The following SAMD12 variants were observed in gnomAD, a reference collection of about 807,000 sequenced individuals.
SAMD12 encodes the protein sterile alpha motif domain-containing protein 12.
In SAMD12, 9 loss-of-function variants were observed where a neutral mutation model predicts 15.0. The observed-to-expected ratio is 0.60, with a 90% CI of 0.36 to 1.05. The LOEUF is 1.05. Among genes scored for constraint, SAMD12 ranks in the 50% least tolerant of loss-of-function variants. SAMD12 has a pLI of 0.01. For synonymous variants in SAMD12, 86 were observed against 90.1 expected, an observed-to-expected ratio of 0.96 and a Z score of 0.25; for missense variants, 230 against 234.2, an observed-to-expected ratio of 0.98 and a Z score of 0.12.
intron 1 of SAMD12, among the ~76,000 whole-genome samples, chr8:118,609,315 T>C (rs1319991289): frequency 6.6e-6 from 1 of 152,226 alleles, no homozygotes; most frequent in Non-Finnish European, 1.5e-5. Context: ...TGTACCACAC[T>C]GTTTACTGTT....
chr8:118,210,399 TAG>T (rs1438588214), intron 4 of SAMD12, among the ~76,000 whole-genome samples: 1 of 152,142 alleles, frequency 6.6e-6, no homozygotes. Flanking sequence ...TAAGGAAGTG[TAG>T]TCTGCATCAC....
intron 4 of SAMD12, among the ~76,000 whole-genome samples, chr8:118,341,880 C>T (rs907793873): frequency 1.3e-5 from 2 of 152,216 alleles, no homozygotes; most frequent in African/African-American, 4.8e-5. Context: ...TAAATATTGG[C>T]AACTAATTCA....
intron 1 of SAMD12, among the ~76,000 whole-genome samples, chr8:118,587,291 T>C (rs181700588): frequency 7.2e-5 from 11 of 152,370 alleles, no homozygotes; most frequent in African/African-American, 2.4e-4. Context: ...TAATTCATTA[T>C]ATTAATTATT....
chr8:118,186,676 A>G (rs1746999817), downstream of SAMD12, among the ~76,000 whole-genome samples: 1 of 152,014 alleles, frequency 6.6e-6, no homozygotes, highest in African/African-American at 2.4e-5. Context: ...TTCTTTTCTC[A>G]CTAAAGAAAA....
chr8:118,217,202 C>G (rs533892564), intron 4 of SAMD12, among the ~76,000 whole-genome samples: 17 of 152,318 alleles, frequency 1.1e-4, no homozygotes, highest in Non-Finnish European at 2.5e-4. Flanking sequence ...CAGGGTTTCA[C>G]TATGTTGGCC....
chr8:118,488,532 C>T (rs1406834082), intron 2 of SAMD12, among the ~76,000 whole-genome samples: 1 of 152,146 alleles, frequency 6.6e-6, no homozygotes, highest in Non-Finnish European at 1.5e-5. Context: ...GGCACCCAAT[C>T]CCCTCCCACC....
chr8:118,342,008 G>A (rs1451261700), intron 4 of SAMD12, among the ~76,000 whole-genome samples: 2 of 152,202 alleles, frequency 1.3e-5, no homozygotes, highest in Non-Finnish European at 2.9e-5. Flanking sequence ...AGTTTTAAGA[G>A]GCCTGGTGTG....
chr8:118,158,511 G>A, the SAMD12 span, among the ~76,000 whole-genome samples: 13 of 152,218 alleles, frequency 8.5e-5, no homozygotes, highest in African/African-American at 3.1e-4. Flanking sequence ...GCATGCATTG[G>A]CCTGCAGGTG....
intron 4 of SAMD12, among the ~76,000 whole-genome samples, chr8:118,296,691 C>T (rs1484184430): frequency 1.2e-4 from 18 of 152,182 alleles, no homozygotes; most frequent in Admixed American, 1.1e-3. Flanking sequence ...TTCTACCATG[C>T]CAATTTATCT....
rs191458058 is a variant in SAMD12 at position 118,380,856 on chromosome 8, G to C, written c.323-1156C>G. 1.7e-3 allele frequency among the ~76,000 whole-genome samples: 258 copies of C among 152,284 alleles called. 2 individuals are homozygous for C. The highest frequency in any genetic ancestry group is 6.8e-4 in the Non-Finnish European group (46 of 68,016). On this transcript the variant is annotated intron_variant, in intron 3 of 3. Coordinates refer to ENST00000314727, the MANE Select transcript of SAMD12 (RefSeq NM_207506.3). ...TAAGTGCATCAGTCAGGATAAGTTA[G>C]TTTATATGCTGTTGTAAAAAACAAT... is the stretch of plus-strand genomic sequence containing the variant.
intron 3 of SAMD12, among the ~76,000 whole-genome samples, chr8:118,391,741 T>C (rs1386590058): frequency 1.3e-5 from 2 of 152,156 alleles, no homozygotes; most frequent in African/African-American, 4.8e-5. Flanking sequence ...ATTTCTTAGG[T>C]AGAAAAATTA....
At chr8:118,239,514 A>G (rs1264904838) in intron 4 of SAMD12, among the ~76,000 whole-genome samples, 1 of 152,158 alleles carries the variant, frequency 6.6e-6, no homozygotes, top group Non-Finnish European at 1.5e-5. Flanking sequence ...TTTGTTCTAC[A>G]GGTTACACAA....
chr8:118,515,019 TG>T (rs1825194653), intron 2 of SAMD12, among the ~76,000 whole-genome samples: 1 of 151,712 alleles, frequency 6.6e-6, no homozygotes, highest in Non-Finnish European at 1.5e-5. Context: ...TTTGTTTGTT[TG>T]TTTGTTTGTT....
At chr8:118,391,567 G>C (rs777944793) in intron 3 of SAMD12, among the ~76,000 whole-genome samples, 1 of 152,182 alleles carries the variant, frequency 6.6e-6, no homozygotes, top group Non-Finnish European at 1.5e-5. Context: ...AAAGAGAACA[G>C]GCACTGGGCA....
intron 2 of SAMD12, among the ~76,000 whole-genome samples, chr8:118,448,990 G>A (rs528644761): frequency 2.0e-5 from 3 of 151,956 alleles, no homozygotes; most frequent in East Asian, 1.9e-4. Flanking sequence ...GAATAGCACC[G>A]GCATCCTCTT....
intron 3 of SAMD12, among the ~76,000 whole-genome samples, chr8:118,430,543 A>G (rs1822370287): frequency 6.6e-6 from 1 of 152,044 alleles, no homozygotes; most frequent in Non-Finnish European, 1.5e-5. Context: ...TTGTATTTTT[A>G]GTAGAGACAG....
chr8:118,214,291 A>G (rs1410606069), intron 4 of SAMD12, among the ~76,000 whole-genome samples: 4 of 152,184 alleles, frequency 2.6e-5, no homozygotes, highest in African/African-American at 9.7e-5. Context: ...GTTAACTACA[A>G]TGTCACTTTA....
At chr8:118,142,214 C>G in the SAMD12 span, among the ~76,000 whole-genome samples, 1 of 152,180 alleles carries the variant, frequency 6.6e-6, no homozygotes, top group Non-Finnish European at 1.5e-5. Flanking sequence ...ATGTTAGAAG[C>G]AGACTCTCAC....
At chr8:118,527,510 T>C (rs1825564776) in intron 2 of SAMD12, among the ~76,000 whole-genome samples, 1 of 152,230 alleles carries the variant, frequency 6.6e-6, no homozygotes, top group South Asian at 2.1e-4. Flanking sequence ...TCAGCAGTGA[T>C]GATAAAATTG....
Sources: gnomAD v4.1 joint callset for allele counts (sites outside exome capture counted in the v4.1 genomes callset) on GRCh38, gnomAD v4.1.1 for gene constraint, MANE v1.5 for transcripts, NCBI Gene and HGNC (gene_info 2026-07-23, HGNC 2026-07-21) for gene names.